The following SPTLC1 variants were observed in gnomAD, a reference collection of about 807,000 sequenced individuals.
The protein encoded by SPTLC1 is serine palmitoyltransferase 1.
Under a neutral mutation model 68.9 loss-of-function variants are expected in SPTLC1, and 55 were observed. That is an observed-to-expected ratio of 0.80 (90% confidence interval 0.64 to 1.00). SPTLC1 has a LOEUF of 1.00. Ranked by LOEUF, SPTLC1 falls within the 50% of genes least tolerant of loss-of-function variation. The pLI, the probability that SPTLC1 is intolerant of heterozygous loss-of-function variation, is 0.00. For missense variants in SPTLC1, 449 were observed against 573.1 expected, an observed-to-expected ratio of 0.78 and a Z score of 2.21; for synonymous variants, 197 against 201.6, an observed-to-expected ratio of 0.98 and a Z score of 0.19.
intron 3 of SPTLC1, among the ~76,000 whole-genome samples, chr9:92,105,805 G>A (rs1163276243): frequency 2.8e-5 from 4 of 142,696 alleles, no homozygotes; most frequent in Admixed American, 6.9e-5. Context: ...CCTTGCCGCC[G>A]TCCTGTCTGC....
intron 5 of SPTLC1, among the ~76,000 whole-genome samples, chr9:92,073,078 A>G (rs566711154): frequency 6.8e-4 from 103 of 151,592 alleles, no homozygotes; most frequent in African/African-American, 1.9e-3. Flanking sequence ...TTACAATTTG[A>G]CCCTGAAGCC....
chr9:92,072,813 A>AT (rs1477740116), intron 5 of SPTLC1, among the ~76,000 whole-genome samples: 1 of 152,150 alleles, frequency 6.6e-6, no homozygotes, highest in Non-Finnish European at 1.5e-5. Context: ...ACATCCAGGC[A>AT]TTTTTTACTA....
Position 92,032,048 on chromosome 9 carries a change from G to A in SPTLC1, c.*417C>T. ...AAGTGTTCCTCTTAGCTTTAATGTT[G>A]CAGTCATTTTTCTATGAAATACTAA... On this transcript the variant is annotated 3_prime_UTR_variant, in exon 15 of 15. Coordinates refer to ENST00000262554, the MANE Select transcript of SPTLC1 (RefSeq NM_006415.4). 2.2e-6 allele frequency: 1 copy of A among 454,492 alleles called. No homozygotes were observed. The highest frequency in any genetic ancestry group is 3.4e-5 in the East Asian group (1 of 29,724). 28.2% of individuals were successfully genotyped at this position (454,492 alleles called of 1,614,324 possible). A position where few individuals can be genotyped will look rare whatever the true frequency, so the allele number is the denominator to read the frequency against.
Position 92,080,027 on chromosome 9 carries a change from T to C in SPTLC1, c.416A>G (p.Tyr139Cys). ...CAACAAAAACTTACCAAATGTGCCA[T>C]AAAATCCTCTGGGTCCACAAGTCCC... ...GVGTCGPRGF[Y>C]GTFDVHLDLE... Residue 139 changes from tyrosine (Y) to cysteine (C), a missense_variant, in exon 5 of 15, where the codon TAT (tyrosine) becomes TGT (cysteine). This residue lies in a region of SPTLC1 where 391 missense variants were observed against 472.1 expected (regional missense o/e 0.83). Transcript: ENST00000262554. 6.2e-7 allele frequency: 1 copy of C among 1,613,964 alleles called. No individual in the cohort carries two copies. Among genetic ancestry groups the C allele is most frequent in the Non-Finnish European group, 8.5e-7 (1 of 1,179,852 alleles).
At chr9:92,043,532 AT>A (rs1833417070) in intron 12 of SPTLC1, among the ~76,000 whole-genome samples, 1 of 152,086 alleles carries the variant, frequency 6.6e-6, no homozygotes, top group African/African-American at 2.4e-5. Flanking sequence ...CCTCTCACTC[AT>A]TAGCAACTCT....
chr9:92,104,183 T>C (rs1835866335), intron 3 of SPTLC1, among the ~76,000 whole-genome samples: 1 of 152,194 alleles, frequency 6.6e-6, no homozygotes, highest in Non-Finnish European at 1.5e-5. Flanking sequence ...GTTTCGTCTG[T>C]GCACAACTCG....
intron 3 of SPTLC1, among the ~76,000 whole-genome samples, chr9:92,106,568 G>A (rs1356118259): frequency 2.0e-5 from 3 of 151,842 alleles, no homozygotes; most frequent in Non-Finnish European, 2.9e-5. Context: ...CCTGCCCCTG[G>A]CCACCTACAC....
intron 14 of SPTLC1, among the ~76,000 whole-genome samples, chr9:92,032,762 G>C (rs1833014023): frequency 6.6e-6 from 1 of 151,914 alleles, no homozygotes. Flanking sequence ...TGTAGTCCCA[G>C]CTACTTGGGA....
intron 12 of SPTLC1, among the ~76,000 whole-genome samples, chr9:92,042,091 T>G (rs1420613613): frequency 1.3e-5 from 2 of 152,012 alleles, no homozygotes; most frequent in Non-Finnish European, 2.9e-5. Flanking sequence ...CATAGCACAA[T>G]CCTGTCTCTT....
chr9:92,071,363 G>A (rs144973047), intron 5 of SPTLC1, among the ~76,000 whole-genome samples: 10 of 152,228 alleles, frequency 6.6e-5, no homozygotes, highest in East Asian at 5.8e-4. Context: ...TCACGCCATC[G>A]CACTCCAGCT....
At chr9:92,059,502 T>C (rs1318121022) in intron 6 of SPTLC1, among the ~76,000 whole-genome samples, 194 bp from the exon 7 acceptor site, 5 of 152,254 alleles carry the variant, frequency 3.3e-5, no homozygotes, top group South Asian at 4.1e-4. Context: ...AACTACCATA[T>C]TTAATCTATT....
At chr9:92,037,245 G>T (rs1833172876) in intron 13 of SPTLC1, among the ~76,000 whole-genome samples, 1 of 152,206 alleles carries the variant, frequency 6.6e-6, no homozygotes, top group South Asian at 2.1e-4. Context: ...TCAGGACAGG[G>T]CCTGGCCTAG....
chr9:92,114,950 G>C, intron 1 of SPTLC1: 1 of 366,284 alleles, frequency 2.7e-6, no homozygotes, highest in South Asian at 2.7e-5. Context: ...ACTTCCTTAG[G>C]ACCTTCCCAG....
intron 8 of SPTLC1, 119 bp downstream of exon 8, chr9:92,055,286 C>A: frequency 1.3e-6 from 2 of 1,537,830 alleles, no homozygotes; most frequent in Non-Finnish European, 8.7e-7. Flanking sequence ...GCAAAATATG[C>A]TTATGAGGCC....
At chr9:92,114,806 G>A (rs1836384301) in intron 1 of SPTLC1, 1 of 158,398 alleles carries the variant, frequency 6.3e-6, no homozygotes, top group Non-Finnish European at 1.4e-5. Context: ...ACAGAAAACT[G>A]ATGTACGCAG....
chr9:92,039,289 G>A (rs1041562174), intron 12 of SPTLC1, among the ~76,000 whole-genome samples: 3 of 152,122 alleles, frequency 2.0e-5, no homozygotes, highest in African/African-American at 7.2e-5. Context: ...AGGATTAATA[G>A]CACAAAAATC....
chr9:92,103,551 C>G (rs1302320927), intron 3 of SPTLC1, among the ~76,000 whole-genome samples: 1 of 152,230 alleles, frequency 6.6e-6, no homozygotes, highest in African/African-American at 2.4e-5. Context: ...GAGGAATGGT[C>G]TCAGGCAAAT....
intron 3 of SPTLC1, among the ~76,000 whole-genome samples, chr9:92,090,726 A>G (rs3858090): frequency 0.079 from 11,715 of 148,920 alleles, 805 homozygotes; most frequent in East Asian, 0.27. Flanking sequence ...AAGGCAAGGG[A>G]AAAAAAAAAG....
At chr9:92,059,097 A>G in intron 7 of SPTLC1, 82 bp downstream of exon 7, 1 of 1,531,676 alleles carries the variant, frequency 6.5e-7, no homozygotes, top group Non-Finnish European at 8.9e-7. Flanking sequence ...GCAAGTTTTC[A>G]TGACAAATTA....
Sources: allele counts gnomAD v4.1 joint callset (sites outside exome capture counted in the v4.1 genomes callset), GRCh38; gene constraint gnomAD v4.1.1; regional missense constraint gnomAD v4.1.1; transcripts MANE v1.5; gene names NCBI Gene and HGNC (gene_info 2026-07-23, HGNC 2026-07-21).